The following CASP2 variants were observed in gnomAD, a reference collection of about 807,000 sequenced individuals.
The protein encoded by CASP2 is caspase 2.
A neutral mutation model predicts 54.4 loss-of-function variants in CASP2; 38 were observed. That is an observed-to-expected ratio of 0.70 (90% CI 0.54 to 0.92). The LOEUF (loss-of-function observed/expected upper bound fraction) is 0.92. Ranked by LOEUF, CASP2 falls within the 40% of genes least tolerant of loss-of-function variation. The pLI is 0.00. For synonymous variants in CASP2, 215 were observed against 216.3 expected (o/e 0.99, Z 0.05); for missense variants, 512 against 579.6 (o/e 0.88, Z 1.20).
chr7:143,300,405 CCTT>C, intron 8 of CASP2, 111 bp downstream of exon 8: 1 of 1,599,334 alleles, frequency 6.3e-7, no homozygotes, highest in South Asian at 1.1e-5. Flanking sequence ...TTGGGCACCT[CCTT>C]CTGTTCACTG....
chr7:143,294,510 T>G, intron 5 of CASP2, 87 bp from the exon 6 acceptor site: 1 of 1,316,310 alleles, frequency 7.6e-7, no homozygotes. Flanking sequence ...AAAAATACGA[T>G]GTCTTTGTTT....
intron 8 of CASP2, 32 bp downstream of exon 8, chr7:143,300,326 G>C: frequency 1.2e-6 from 2 of 1,610,986 alleles, no homozygotes; most frequent in Non-Finnish European, 1.7e-6. Context: ...CACCTGGGTG[G>C]TGGCTCCTGG....
chr7:143,303,002 G>A (rs905037997), intron 8 of CASP2: 1 of 151,926 alleles, frequency 6.6e-6, no homozygotes, highest in South Asian at 2.1e-4. Flanking sequence ...AGTGACTCAT[G>A]CCTATAATCC....
At chr7:143,304,399 G>A (rs1026009356) in intron 9 of CASP2, among the ~76,000 whole-genome samples, 13 of 152,202 alleles carry the variant, frequency 8.5e-5, no homozygotes, top group African/African-American at 3.1e-4. Flanking sequence ...TTAATAGACT[G>A]TAGGATAGTA....
Position 143,302,103 on chromosome 7 carries a change from G to A in CASP2, c.968-1681G>A, listed in dbSNP as rs973695886. ...CTGCCTGAAAAACTGTAGGTATTATGTAAAAAACAAATATGAGGATATTGT... is the reference window on the plus strand; with the variant it reads ...CTGCCTGAAAAACTGTAGGTATTATATAAAAAACAAATATGAGGATATTGT... On this transcript the variant is annotated intron_variant, in intron 8 of 10. Coordinates refer to ENST00000310447, the MANE Select transcript of CASP2 (RefSeq NM_032982.4). The A allele has an allele frequency of 3.9e-5, 6 of 152,270 alleles. No homozygotes were observed. The South Asian group carries it at 6.2e-4, about 16-fold the overall frequency. The allele number at this position is 152,270 out of a possible 1,614,324, so 9.4% of individuals were successfully genotyped here.
At chr7:143,291,798 T>TTTTTTTG in intron 2 of CASP2, 108 bp downstream of exon 2, 2 of 996,314 alleles carry the variant, frequency 2.0e-6, no homozygotes, top group Non-Finnish European at 3.0e-6. Flanking sequence ...TTTTTTTTTT[T>TTTTTTTG]TTGAGACAGA....
chr7:143,288,518 CAG>C lies in CASP2; in HGVS notation c.64_65del (p.Arg22GlyfsTer71), dbSNP rs1427561605. The C allele has an allele frequency of 6.2e-7, 1 of 1,613,116 alleles. No individual in the cohort carries two copies. The highest frequency in any genetic ancestry group is 8.5e-7 in the Non-Finnish European group (1 of 1,179,484). The stretch of plus-strand genomic sequence containing the variant: ...AGCACAAGGAGCTGATGGCCGCTGA[CAG>C]GGGACGCAGGTAAGTAGGGAACGGT... ...FQHKELMAAD[R>X]GRRILGVCGM... is the part of the protein sequence containing the mutation. On this transcript the variant is annotated frameshift_variant, in exon 1 of 11. Transcript: ENST00000310447. LOFTEE classifies it high-confidence loss of function.
chr7:143,299,874 A>G, intron 6 of CASP2, 49 bp from the exon 7 acceptor site: 2 of 1,611,900 alleles, frequency 1.2e-6, no homozygotes, highest in Non-Finnish European at 1.7e-6. Flanking sequence ...TTTGATGCTT[A>G]TGTTGGTGCT....
intron 4 of CASP2, among the ~76,000 whole-genome samples, chr7:143,293,997 C>T (rs558597829): frequency 9.2e-4 from 140 of 152,158 alleles, no homozygotes; most frequent in Non-Finnish European, 1.6e-3. Context: ...ATCAGCTAGC[C>T]CATTCGGTCA....
intron 9 of CASP2, 128 bp downstream of exon 9, chr7:143,304,061 A>AT (rs2116807184): frequency 7.0e-6 from 7 of 1,002,780 alleles, no homozygotes; most frequent in Non-Finnish European, 9.0e-6. Context: ...CAGATTTTGG[A>AT]TTTTTTTGTT....
At chr7:143,300,463 G>T in intron 8 of CASP2, 169 bp downstream of exon 8, 1 of 1,595,182 alleles carries the variant, frequency 6.3e-7, no homozygotes, top group Non-Finnish European at 8.5e-7. Flanking sequence ...CAATGCATGG[G>T]GTGTGCTGGG....
chr7:143,305,379 A>G lies in CASP2; in HGVS notation c.*308A>G. 2.1e-6 allele frequency: 1 copy of G among 466,470 alleles called. No homozygotes were observed. Among genetic ancestry groups the G allele is most frequent in the Non-Finnish European group, 4.0e-6 (1 of 252,174 alleles). The allele number at this position is 466,470 out of a possible 1,614,324, so 28.9% of individuals were successfully genotyped here. On this transcript the variant is annotated 3_prime_UTR_variant, in exon 11 of 11. Coordinates refer to ENST00000310447, the MANE Select transcript of CASP2 (RefSeq NM_032982.4). ...CAGTGTGGTTATGGGGAGAGGGCAT[A>G]TAAATTCCCCATATTTGTGTTCAGT... is the stretch of plus-strand genomic sequence containing the variant.
chr7:143,291,748 C>CA (rs1378700611), intron 2 of CASP2, 58 bp downstream of exon 2: 1 of 854,204 alleles, frequency 1.2e-6, no homozygotes. Flanking sequence ...TAGAGCATGA[C>CA]AAAATATGGA....
intron 8 of CASP2, chr7:143,303,209 CAT>C (rs1359338269): frequency 1.3e-5 from 2 of 151,876 alleles, no homozygotes; most frequent in Admixed American, 6.6e-5. Context: ...AATTAATAAA[CAT>C]AGTGCTTCGA....
chr7:143,302,336 C>T (rs1236469026), intron 8 of CASP2: 1 of 152,156 alleles, frequency 6.6e-6, no homozygotes, highest in Non-Finnish European at 1.5e-5. Flanking sequence ...CTGGAGTAAT[C>T]TGGATCTTTT....
intron 1 of CASP2, among the ~76,000 whole-genome samples, chr7:143,289,201 A>G (rs1445745325): frequency 6.6e-6 from 1 of 152,202 alleles, no homozygotes; most frequent in Non-Finnish European, 1.5e-5. Context: ...AGAAGGACAC[A>G]GAATTAAGAC....
rs1479376948 is a variant in CASP2 at position 143,306,258 on chromosome 7, T to TTC, written c.*1188_*1189insCT. 3.6e-5 allele frequency: 5 copies of TTC among 138,926 alleles called. No individual in the cohort carries two copies. The highest frequency in any genetic ancestry group is 1.4e-4 in the African/African-American group (5 of 36,782). 8.6% of individuals were successfully genotyped at this position (138,926 alleles called of 1,614,324 possible). A position where few individuals can be genotyped will look rare whatever the true frequency, so the allele number is the denominator to read the frequency against. Reference sequence around the variant, plus strand: ...TCCCTGTTCTTTAAGACTTTTTTTTTTTTTTTTTTTTTTTTTGAGACAGAG... The same window carrying TTC: ...TCCCTGTTCTTTAAGACTTTTTTTTTTCTTTTTTTTTTTTTTTTGAGACAGAG... On this transcript the variant is annotated 3_prime_UTR_variant, in exon 11 of 11. Coordinates refer to ENST00000310447, the MANE Select transcript of CASP2 (RefSeq NM_032982.4).
intron 8 of CASP2, chr7:143,302,434 C>A (rs1801941866): frequency 6.6e-6 from 1 of 152,158 alleles, no homozygotes; most frequent in African/African-American, 2.4e-5. Flanking sequence ...GTTCACCTGT[C>A]TTCCTGCTGT....
intron 6 of CASP2, among the ~76,000 whole-genome samples, chr7:143,297,739 G>A (rs560171879): frequency 1.3e-5 from 2 of 152,318 alleles, no homozygotes; most frequent in Non-Finnish European, 2.9e-5. Context: ...GAGCCACCGC[G>A]CCCGGCCTTT....
Sources: gnomAD v4.1 joint callset for allele counts (sites outside exome capture counted in the v4.1 genomes callset) on GRCh38, gnomAD v4.1.1 for gene constraint, MANE v1.5 for transcripts, NCBI Gene and HGNC (gene_info 2026-07-23, HGNC 2026-07-21) for gene names.